Variants in PADI6 observed in about 807,000 individuals in gnomAD.
PADI6 encodes the protein inactive protein-arginine deiminase type-6.
In PADI6, 66 loss-of-function variants were observed where a neutral mutation model predicts 78.2. The ratio of observed to expected loss-of-function variants is 0.84; its 90% confidence interval spans 0.69 to 1.04. PADI6 has a LOEUF of 1.04. PADI6 is among the 50% of genes least tolerant of loss of function. PADI6 has a pLI of 0.00. For missense variants in PADI6, 854 were observed against 866.1 expected (o/e 0.99, Z 0.18); for synonymous variants, 397 against 346.9 (o/e 1.14, Z -1.60).
intron 2 of PADI6, among the ~76,000 whole-genome samples, chr1:17,373,513 T>C (rs80275682): frequency 1.2e-5 from 1 of 86,664 alleles, no homozygotes; most frequent in Non-Finnish European, 2.3e-5. Flanking sequence ...ATTTTTTTTT[T>C]TGAGTCTCAC....
At position 17,394,095 on chromosome 1, in the gene PADI6, GT is replaced by G; in HGVS notation, c.1182+16del. 6.2e-7 allele frequency: 1 copy of G among 1,610,236 alleles called. No homozygotes were observed. Among genetic ancestry groups the G allele is most frequent in the Non-Finnish European group, 8.5e-7 (1 of 1,176,514 alleles). ...GAAGTACTCACTGGTGTGGAACTTG[GT>G]TTGGCTAATCTGAGCTCAGTCCAAT... is the stretch of plus-strand genomic sequence containing the variant. On this transcript the variant is annotated intron_variant, in intron 10 of 15. Transcript: ENST00000619609.
chr1:17,392,216 G>T lies in PADI6; in HGVS notation c.1065G>T (p.Arg355Ser), dbSNP rs1482160374. 2 of 1,553,986 alleles carry T rather than the reference G, an allele frequency of 1.3e-6. No homozygotes were observed. Among genetic ancestry groups the T allele is most frequent in the South Asian group, 2.4e-5 (2 of 84,142 alleles). Reference protein sequence around the residue: ...SVYEDPNRLGRWLQDEMAFCY... With the variant: ...SVYEDPNRLGSWLQDEMAFCY... ...ATGAGGACCCCAACCGCCTGGGCAG[G>T]TGGCTCCAGGTAACACCCCACCTGG... Residue 355 changes from arginine (R) to serine (S), a missense_variant, in exon 9 of 16, where the codon AGG becomes AGT. Arg to Ser is a moderately radical substitution (Grantham distance 110). Transcript: ENST00000619609.
Position 17,401,158 on chromosome 1 carries a change from G to A in PADI6, c.1852-47G>A, listed in dbSNP as rs1225782638. On this transcript the variant is annotated intron_variant, in intron 15 of 15. Transcript: ENST00000619609. The stretch of plus-strand genomic sequence containing the variant: ...GAGGCAGGTGGGCGGCTGGCTTTCA[G>A]GCCTCTGATCCCTGTCCAGGCCTCA... 7 of 1,575,182 alleles carry A rather than the reference G, an allele frequency of 4.4e-6. No individual in the cohort carries two copies. In the Admixed American group the frequency reaches 1.0e-4, roughly 24 times the overall value.
chr1:17,398,900 T>C lies in PADI6; in HGVS notation c.1851+53T>C. 4 of 1,565,042 alleles carry C rather than the reference T, an allele frequency of 2.6e-6. No homozygotes were observed. In the Admixed American group the frequency reaches 5.1e-5, roughly 20 times the overall value. ...GGGGGAGGGCCTGTCCAGGCAACAC[T>C]GGCTGCCACCTCACTGTGCTGGACT... On this transcript the variant is annotated intron_variant, in intron 15 of 15. Coordinates refer to ENST00000619609, the MANE Select transcript of PADI6 (RefSeq NM_207421.4).
intron 3 of PADI6, among the ~76,000 whole-genome samples, chr1:17,378,283 C>T (rs1480475963): frequency 6.6e-6 from 1 of 152,164 alleles, no homozygotes; most frequent in Non-Finnish European, 1.5e-5. Flanking sequence ...CTCATGTAAG[C>T]TCTAAGGAGA....
chr1:17,391,449 G>A (rs868807752), intron 8 of PADI6, among the ~76,000 whole-genome samples: 1 of 152,266 alleles, frequency 6.6e-6, no homozygotes, highest in South Asian at 2.1e-4. Context: ...CAAACTCCCA[G>A]TCTTAGGTGA....
At chr1:17,386,317 ACTAT>A (rs1304949182) in intron 6 of PADI6, among the ~76,000 whole-genome samples, 1 of 152,200 alleles carries the variant, frequency 6.6e-6, no homozygotes, top group Non-Finnish European at 1.5e-5. Flanking sequence ...TTCACAACAA[ACTAT>A]CTGTGAGAGG....
rs994730039 is a variant in PADI6, at chr1:17,373,118, T to C, written c.179T>C (p.Val60Ala). 13 of 1,613,884 alleles carry C rather than the reference T, an allele frequency of 8.1e-6. No individual in the cohort carries two copies. The highest frequency in any genetic ancestry group is 1.1e-5 in the Non-Finnish European group (13 of 1,179,860). Residue 60 changes from valine (V) to alanine (A), a missense_variant, in exon 2 of 16, where the codon GTG becomes GCG. Physicochemically the swap from Val to Ala is moderately conservative, Grantham distance 64 (BLOSUM62 0). Transcript: ENST00000619609. ...IHGSGRVLID[V>A]ANTVISEKED... ...GGCTCTGGGAGGGTCTTGATCGATG[T>C]GGCCAACACGGTGATTTCTGAGAAG... is the stretch of plus-strand genomic sequence containing the variant.
intron 8 of PADI6, among the ~76,000 whole-genome samples, chr1:17,390,767 A>G (rs2075174001): frequency 6.6e-6 from 1 of 152,206 alleles, no homozygotes; most frequent in African/African-American, 2.4e-5. Flanking sequence ...TGCTGATGGC[A>G]GATACAAAAG....
At chr1:17,391,518 C>A (rs555133078) in intron 8 of PADI6, among the ~76,000 whole-genome samples, 3 of 152,348 alleles carry the variant, frequency 2.0e-5, no homozygotes, top group Admixed American at 1.3e-4. Flanking sequence ...CTGCGTCCGG[C>A]CAGATGAGTG....
Position 17,388,391 on chromosome 1 carries a change from C to T in PADI6, c.690C>T (p.Ser230=), listed in dbSNP as rs754209419. The change falls in exon 7 of 16, where the codon TCC becomes TCT. Residue 230 remains serine (S), a synonymous_variant. Transcript: ENST00000619609. Reference sequence around the variant, plus strand: ...TTCTTTCTCTCCTAGAAGACAACTCCAGTACCTTTGAGTTGGTGCTGGGGC... The same window carrying T: ...TTCTTTCTCTCCTAGAAGACAACTCTAGTACCTTTGAGTTGGTGCTGGGGC... The part of the protein sequence containing the change: ...ARVYWPQKDN[S]STFELVLGPD... 8 of 1,612,082 alleles carry T rather than the reference C, an allele frequency of 5.0e-6. No individual in the cohort carries two copies. The highest frequency in any genetic ancestry group is 1.1e-5 in the South Asian group (1 of 90,658).
At chr1:17,396,713 AGG>A (rs1392543480) in intron 13 of PADI6, among the ~76,000 whole-genome samples, 1 of 152,184 alleles carries the variant, frequency 6.6e-6, no homozygotes, top group African/African-American at 2.4e-5. Context: ...TAACCTGGAG[AGG>A]GTCACAGGCA....
rs2075100276 is a variant in PADI6 at position 17,384,273 on chromosome 1, C to T, written c.679+2181C>T. Reference sequence around the variant, plus strand: ...ACAGCAAAAGAGTCTGAAAAGTTTACAGAGGAATAGAAAGCCAGAATACAG... The same window carrying T: ...ACAGCAAAAGAGTCTGAAAAGTTTATAGAGGAATAGAAAGCCAGAATACAG... On this transcript the variant is annotated intron_variant, in intron 6 of 15. Transcript: ENST00000619609. Among the ~76,000 whole-genome samples the T allele has an allele frequency of 2.0e-5, 3 of 152,014 alleles. No homozygotes were observed. In the South Asian group the frequency reaches 6.2e-4, roughly 31 times the overall value.
rs533992573 is a variant in PADI6 at position 17,392,270 on chromosome 1, G to A, written c.1074+45G>A. 36 of 1,399,376 alleles carry A rather than the reference G, an allele frequency of 2.6e-5. No individual in the cohort carries two copies. The South Asian group carries it at 4.0e-4, about 15-fold the overall frequency. 86.7% of individuals were successfully genotyped at this position (1,399,376 alleles called of 1,614,324 possible). ...CCCACCTGTCGGGGAGGGGTGGGGA[G>A]ACTCAGCATGTGCCACCTAAGAGGA... On this transcript the variant is annotated intron_variant, in intron 9 of 15. Transcript: ENST00000619609.
intron 8 of PADI6, among the ~76,000 whole-genome samples, chr1:17,389,396 G>A (rs2075159700): frequency 6.6e-6 from 1 of 152,154 alleles, no homozygotes; most frequent in Non-Finnish European, 1.5e-5. Flanking sequence ...CTGCCACTTA[G>A]GGGCCCTGGT....
rs1165327311 is a variant in PADI6, at chr1:17,388,569, C to T, written c.858+10C>T. On this transcript the variant is annotated intron_variant, in intron 7 of 15. Transcript: ENST00000619609. ...GGAGTCTCAAGACCCGGTATGTCCC[C>T]ATAATAGATGGGTCCTCAGACTAGG... 1.3e-6 allele frequency: 2 copies of T among 1,598,752 alleles called. No individual in the cohort carries two copies. The highest frequency in any genetic ancestry group is 1.3e-5 in the African/African-American group (1 of 74,604).
rs1254437660 is a variant in PADI6, at chr1:17,380,124, G to C, written c.435+137G>C. 5 of 764,912 alleles carry C rather than the reference G, an allele frequency of 6.5e-6. No individual in the cohort carries two copies. In the East Asian group the frequency reaches 1.3e-4, roughly 21 times the overall value. 47.4% of individuals were successfully genotyped at this position (764,912 alleles called of 1,614,324 possible). On this transcript the variant is annotated intron_variant, in intron 4 of 15. Coordinates refer to ENST00000619609, the MANE Select transcript of PADI6 (RefSeq NM_207421.4). ...GAAGGATTAGATACGTGGAGGGGAG[G>C]GGTAAACCAAACTGTCACGGTACAA...
Position 17,378,549 on chromosome 1 carries a change from GGACAGTCCCTAT to G in PADI6, c.368-1364_368-1353del, listed in dbSNP as rs1421791810. 2.0e-5 allele frequency among the ~76,000 whole-genome samples: 3 copies of G among 152,216 alleles called. No individual in the cohort carries two copies. In the East Asian group the frequency reaches 5.8e-4, roughly 29 times the overall value. On this transcript the variant is annotated intron_variant, in intron 3 of 15. Transcript: ENST00000619609. ...TGGGAGGTGGTATGCTAAGGAGGCG[GGACAGTCCCTAT>G]GACAGTACCTGGGCAAAAGCCTAGA...
intron 4 of PADI6, among the ~76,000 whole-genome samples, chr1:17,380,745 A>G (rs1226766736): frequency 1.3e-5 from 2 of 151,978 alleles, no homozygotes; most frequent in Admixed American, 1.3e-4. Flanking sequence ...AGATGAGAGG[A>G]TTAGCCGCTG....
Sources: allele counts gnomAD v4.1 joint callset (sites outside exome capture counted in the v4.1 genomes callset), GRCh38; gene constraint gnomAD v4.1.1; transcripts MANE v1.5; gene names NCBI Gene and HGNC (gene_info 2026-07-23, HGNC 2026-07-21).